Variants in RBFOX1 observed in about 807,000 individuals in gnomAD.
RBFOX1 encodes RNA binding protein fox-1 homolog 1.
A neutral mutation model predicts 57.7 loss-of-function variants in RBFOX1; 8 were observed. The observed-to-expected ratio is 0.14, with a 90% CI of 0.08 to 0.25. The LOEUF is 0.25. Ranked by LOEUF, RBFOX1 falls within the 10% of genes least tolerant of loss-of-function variation. The pLI is 1.00. For missense variants in RBFOX1, 611 were observed against 548.5 expected, an observed-to-expected ratio of 1.11 and a Z score of -1.14; for synonymous variants, 326 against 222.4, an observed-to-expected ratio of 1.47 and a Z score of -4.15.
chr16:6,256,233 GTGTATATATATATGTATATA>G (rs2097664543), intron 1 of RBFOX1, among the ~76,000 whole-genome samples: 4 of 42,128 alleles, frequency 9.5e-5, no homozygotes, highest in Admixed American at 3.0e-4. Flanking sequence ...ATATATATAT[GTGTATATATATATGTATATA>G]TATGTGTATA....
At position 5,362,316 on chromosome 16, in the gene RBFOX1, G is replaced by A. The variant is rs202050888; in HGVS notation, c.220-104900G>A. Among the ~76,000 whole-genome samples the A allele has an allele frequency of 7.3e-4, 111 of 152,118 alleles. No individual in the cohort carries two copies. In the East Asian group the frequency reaches 0.015, roughly 21 times the overall value. On this transcript the variant is annotated intron_variant, in intron 1 of 2. Coordinates refer to the RBFOX1 transcript ENST00000585867. ...AGTGATTCTCTTGCCTCAGCCTCCC[G>A]AGTGTCTGGGACTACAGGTGCACGC...
chr16:6,304,141 A>C (rs1014559518), intron 1 of RBFOX1, among the ~76,000 whole-genome samples: 1 of 151,718 alleles, frequency 6.6e-6, no homozygotes, highest in African/African-American at 2.4e-5. Flanking sequence ...TACAAAAATT[A>C]CCCAGGCGTG....
intron 10 of RBFOX1, among the ~76,000 whole-genome samples, chr16:7,625,446 G>T (rs1161871793): frequency 6.6e-6 from 1 of 152,072 alleles, no homozygotes; most frequent in Non-Finnish European, 1.5e-5. Context: ...AATAACTCCT[G>T]TATTAGAGGT....
chr16:7,021,554 A>T (rs940095015), intron 3 of RBFOX1, among the ~76,000 whole-genome samples: 4 of 145,206 alleles, frequency 2.8e-5, no homozygotes, highest in Admixed American at 2.8e-4. Context: ...TTTTATATTT[A>T]TAAAATATAT....
At chr16:7,603,911 C>T (rs1415301876) in intron 9 of RBFOX1, among the ~76,000 whole-genome samples, 1 of 151,834 alleles carries the variant, frequency 6.6e-6, no homozygotes, top group Non-Finnish European at 1.5e-5. Flanking sequence ...TCACCATGAC[C>T]AGAATGGACA....
At chr16:5,848,109 G>A (rs903036848) in intron 3 of RBFOX1, among the ~76,000 whole-genome samples, 2 of 152,116 alleles carry the variant, frequency 1.3e-5, no homozygotes, top group Non-Finnish European at 2.9e-5. Flanking sequence ...CCTTGTCTGT[G>A]AGGAACATCT....
intron 3 of RBFOX1, among the ~76,000 whole-genome samples, chr16:5,621,956 G>T (rs953257693): frequency 1.3e-5 from 2 of 152,166 alleles, no homozygotes; most frequent in African/African-American, 4.8e-5. Flanking sequence ...AGCATCTCCT[G>T]GGAAGAATGA....
chr16:5,441,363 GTT>G (rs34446326), intron 1 of RBFOX1, among the ~76,000 whole-genome samples: 1,733 of 111,708 alleles, frequency 0.016, 19 homozygotes, highest in African/African-American at 0.049. Flanking sequence ...AGGAAAGAGG[GTT>G]TTTTTTTTTT....
intron 3 of RBFOX1, among the ~76,000 whole-genome samples, chr16:6,702,305 G>A (rs2061977278): frequency 6.6e-6 from 1 of 152,160 alleles, no homozygotes; most frequent in African/African-American, 2.4e-5. Context: ...TGTAAACCCA[G>A]TACTTTGGAA....
intron 2 of RBFOX1, among the ~76,000 whole-genome samples, chr16:5,500,212 A>ATTCCATTGCTTTCCG (rs1555451058): frequency 7.4e-6 from 1 of 134,478 alleles, no homozygotes; most frequent in Non-Finnish European, 1.5e-5. Context: ...ATTCCATTGC[A>ATTCCATTGCTTTCCG]TTCCGTTCCG....
downstream of RBFOX1, chr16:5,601,603 A>G (rs1170993595): frequency 1.3e-5 from 2 of 152,216 alleles, no homozygotes; most frequent in Non-Finnish European, 2.9e-5. Context: ...CACACTCTTC[A>G]TAATCTTGAA....
chr16:5,420,413 C>G (rs1167694985), intron 1 of RBFOX1, among the ~76,000 whole-genome samples: 1 of 151,270 alleles, frequency 6.6e-6, no homozygotes, highest in African/African-American at 2.4e-5. Context: ...CACACACACT[C>G]TCAGGTTCAC....
chr16:6,900,296 C>T (rs973806616), intron 3 of RBFOX1, among the ~76,000 whole-genome samples: 7 of 152,298 alleles, frequency 4.6e-5, no homozygotes, highest in Non-Finnish European at 7.3e-5. Context: ...AGTTCATCCA[C>T]GAATATCCTG....
chr16:6,447,694 C>T (rs1370901337), intron 2 of RBFOX1, among the ~76,000 whole-genome samples: 2 of 152,182 alleles, frequency 1.3e-5, no homozygotes, highest in African/African-American at 4.8e-5. Context: ...AATTAGAATT[C>T]ATAATCCAGA....
intron 2 of RBFOX1, among the ~76,000 whole-genome samples, chr16:6,653,070 T>TC (rs1445672458): frequency 6.6e-6 from 1 of 152,126 alleles, no homozygotes; most frequent in East Asian, 1.9e-4. Flanking sequence ...CCAGTGCATT[T>TC]CCCCCTTGGG....
At chr16:7,679,855 C>G (rs777309890) in intron 14 of RBFOX1, among the ~76,000 whole-genome samples, 3 of 151,998 alleles carry the variant, frequency 2.0e-5, no homozygotes, top group Admixed American at 6.6e-5. Context: ...AGAAAAATAC[C>G]TGACTGGACT....
intron 2 of RBFOX1, among the ~76,000 whole-genome samples, chr16:6,376,193 C>A (rs888181977): frequency 1.3e-5 from 2 of 152,200 alleles, no homozygotes; most frequent in African/African-American, 4.8e-5. Flanking sequence ...CCCCTAGACT[C>A]CAGGATCCTT....
rs142204720 is a variant in RBFOX1 at position 5,377,875 on chromosome 16, A to G, written c.220-89341A>G. ...AGTTTAAAACACAATCACAGGGTCA[A>G]CATGTGCTTTCTCTTGAGAACAGTT... On this transcript the variant is annotated intron_variant, in intron 1 of 2. Transcript: ENST00000585867. 3.0e-3 allele frequency among the ~76,000 whole-genome samples: 457 copies of G among 151,838 alleles called. 23 individuals are homozygous for G. Among genetic ancestry groups the G allele is most frequent in the African/African-American group, 0.011 (441 of 41,068 alleles).
intron 3 of RBFOX1, among the ~76,000 whole-genome samples, chr16:7,010,828 C>T (rs1662180109): frequency 6.7e-6 from 1 of 150,362 alleles, no homozygotes; most frequent in Non-Finnish European, 1.5e-5. Context: ...GCCTCTGCCT[C>T]CGCCTCCCAA....
Sources: allele counts gnomAD v4.1 joint callset (sites outside exome capture counted in the v4.1 genomes callset), GRCh38; gene constraint gnomAD v4.1.1; transcripts MANE v1.5; gene names NCBI Gene and HGNC (gene_info 2026-07-23, HGNC 2026-07-21).